Variants in CCDC85A observed in about 807,000 individuals in gnomAD.
The protein encoded by CCDC85A is coiled-coil domain-containing protein 85A.
CCDC85A carries 38 observed loss-of-function variants against 50.2 expected under a neutral mutation model. The observed-to-expected ratio is 0.76, with a 90% CI of 0.58 to 0.99. The LOEUF (loss-of-function observed/expected upper bound fraction) is 0.99. Among genes scored for constraint, CCDC85A ranks in the 50% least tolerant of loss-of-function variants. CCDC85A has a pLI of 0.00. For synonymous variants in CCDC85A, 366 were observed against 301.4 expected (o/e 1.21, Z -2.22); for missense variants, 820 against 742.0 (o/e 1.11, Z -1.22).
chr2:56,229,782 A>G (rs974995330), intron 2 of CCDC85A, among the ~76,000 whole-genome samples: 3 of 152,178 alleles, frequency 2.0e-5, no homozygotes, highest in Admixed American at 6.5e-5. Flanking sequence ...TCAAAACAAT[A>G]TAGAGTACAA....
At chr2:56,311,103 G>T (rs566127974) in intron 2 of CCDC85A, among the ~76,000 whole-genome samples, 164 of 152,230 alleles carry the variant, frequency 1.1e-3, no homozygotes, top group African/African-American at 3.2e-3. Context: ...ACATAAGCTA[G>T]AAATAATGAT....
At chr2:56,274,992 A>G (rs1342440215) in intron 2 of CCDC85A, among the ~76,000 whole-genome samples, 1 of 152,086 alleles carries the variant, frequency 6.6e-6, no homozygotes, top group Non-Finnish European at 1.5e-5. Flanking sequence ...TCTTATAAGG[A>G]CACTAATTTC....
rs535502806 is a variant in CCDC85A at position 56,309,742 on chromosome 2, A to T, written c.1241-33137A>T. ...ATGTAAAAGGTTGTCATTGACTTTG[A>T]CTATTGTGCTGAGGACCTAAAAGGA... is the stretch of plus-strand genomic sequence containing the variant. On this transcript the variant is annotated intron_variant, in intron 2 of 5. Coordinates refer to ENST00000407595, the MANE Select transcript of CCDC85A (RefSeq NM_001080433.2). Among the ~76,000 whole-genome samples, 18 of 152,240 alleles carry T rather than the reference A, an allele frequency of 1.2e-4. No individual in the cohort carries two copies. The South Asian group carries it at 3.7e-3, about 32-fold the overall frequency.
intron 2 of CCDC85A, among the ~76,000 whole-genome samples, chr2:56,326,999 A>T (rs1195793008): frequency 2.0e-5 from 3 of 152,184 alleles, no homozygotes; most frequent in Non-Finnish European, 4.4e-5. Context: ...CAGAACTGGT[A>T]TGCATCTATC....
chr2:56,281,131 A>G (rs1482548770), intron 2 of CCDC85A, among the ~76,000 whole-genome samples: 1 of 152,154 alleles, frequency 6.6e-6, no homozygotes, highest in Non-Finnish European at 1.5e-5. Flanking sequence ...CACTATTCTT[A>G]TTTATATCAC....
chr2:56,386,123 A>C lies in CCDC85A; in HGVS notation c.*1768A>C, dbSNP rs577545840. ...TTTAAAGTTCTGCATAAAATTGAGT[A>C]TTAAGTATATGTGTTCATCTTAGCA... On this transcript the variant is annotated 3_prime_UTR_variant, in exon 6 of 6. Coordinates refer to ENST00000407595, the MANE Select transcript of CCDC85A (RefSeq NM_001080433.2). 7 of 152,372 alleles carry C rather than the reference A, an allele frequency of 4.6e-5. No homozygotes were observed. The South Asian group carries it at 1.2e-3, about 27-fold the overall frequency. 9.4% of individuals were successfully genotyped at this position (152,372 alleles called of 1,614,324 possible).
intron 2 of CCDC85A, among the ~76,000 whole-genome samples, chr2:56,240,711 T>C (rs1669220518): frequency 6.6e-6 from 1 of 152,206 alleles, no homozygotes; most frequent in South Asian, 2.1e-4. Flanking sequence ...GGTTCACTGA[T>C]GTCGCTGTCA....
At chr2:56,203,520 T>C (rs1676831471) in intron 2 of CCDC85A, among the ~76,000 whole-genome samples, 2 of 152,224 alleles carry the variant, frequency 1.3e-5, no homozygotes, top group African/African-American at 4.8e-5. Context: ...TTGGGGCTTA[T>C]TGGCCTAGCA....
intron 2 of CCDC85A, among the ~76,000 whole-genome samples, chr2:56,306,329 T>C (rs1019862968): frequency 6.6e-6 from 1 of 152,138 alleles, no homozygotes; most frequent in African/African-American, 2.4e-5. Flanking sequence ...GGTTTCACCA[T>C]GTTGGCCAGG....
At chr2:56,307,877 T>C (rs943086244) in intron 2 of CCDC85A, among the ~76,000 whole-genome samples, 2 of 152,180 alleles carry the variant, frequency 1.3e-5, no homozygotes, top group African/African-American at 4.8e-5. Context: ...AGCAGTGTCT[T>C]TTGCCATTTA....
At chr2:56,240,634 G>A (rs1192859327) in intron 2 of CCDC85A, among the ~76,000 whole-genome samples, 1 of 152,028 alleles carries the variant, frequency 6.6e-6, no homozygotes, top group Admixed American at 6.6e-5. Flanking sequence ...AAATGGACTC[G>A]TGCAATATTA....
intron 2 of CCDC85A, among the ~76,000 whole-genome samples, chr2:56,331,739 A>G (rs1395635032): frequency 6.6e-6 from 1 of 152,214 alleles, no homozygotes; most frequent in Admixed American, 6.5e-5. Context: ...GTTTCAGAAA[A>G]CACAGCACTT....
intron 2 of CCDC85A, among the ~76,000 whole-genome samples, chr2:56,295,054 T>G (rs1433224425): frequency 3.9e-5 from 6 of 152,226 alleles, no homozygotes; most frequent in Non-Finnish European, 7.3e-5. Flanking sequence ...GCATCCAGAT[T>G]GCTGAAGAAG....
intron 2 of CCDC85A, among the ~76,000 whole-genome samples, chr2:56,205,280 C>T (rs1307386241): frequency 1.3e-5 from 2 of 152,000 alleles, no homozygotes; most frequent in Non-Finnish European, 2.9e-5. Flanking sequence ...TAGTTATGTC[C>T]CATTTAAATG....
At chr2:56,361,206 A>T (rs1002626720) in intron 3 of CCDC85A, among the ~76,000 whole-genome samples, 7 of 152,070 alleles carry the variant, frequency 4.6e-5, no homozygotes, top group Admixed American at 4.6e-4. Flanking sequence ...GTGAGCGGAG[A>T]TCGCGCCACT....
chr2:56,231,503 A>G (rs1668770562), intron 2 of CCDC85A, among the ~76,000 whole-genome samples: 1 of 152,198 alleles, frequency 6.6e-6, no homozygotes, highest in Non-Finnish European at 1.5e-5. Flanking sequence ...TTCTTAGGCA[A>G]TACAGGAGGC....
intron 2 of CCDC85A, among the ~76,000 whole-genome samples, chr2:56,304,599 G>T (rs1373086570): frequency 6.6e-6 from 1 of 152,138 alleles, no homozygotes; most frequent in Non-Finnish European, 1.5e-5. Flanking sequence ...GTAAAACTGA[G>T]AAATATTGAA....
intron 2 of CCDC85A, among the ~76,000 whole-genome samples, chr2:56,323,287 G>T (rs1200490187): frequency 6.6e-6 from 1 of 151,958 alleles, no homozygotes; most frequent in East Asian, 1.9e-4. Flanking sequence ...AGAACTTAAA[G>T]TAAAATAAAA....
chr2:56,228,491 C>T (rs749828874), intron 2 of CCDC85A, among the ~76,000 whole-genome samples: 11 of 151,848 alleles, frequency 7.2e-5, no homozygotes, highest in Non-Finnish European at 1.5e-4. Context: ...AAAGTCTACA[C>T]GTTGTCTTTC....
Sources: allele counts gnomAD v4.1 joint callset (sites outside exome capture counted in the v4.1 genomes callset), GRCh38; gene constraint gnomAD v4.1.1; transcripts MANE v1.5; gene names NCBI Gene and HGNC (gene_info 2026-07-23, HGNC 2026-07-21).